The following INPP4B variants were observed in gnomAD, a reference collection of about 807,000 sequenced individuals.
INPP4B encodes inositol polyphosphate 4-phosphatase type II.
INPP4B carries 55 observed loss-of-function variants against 122.5 expected under a neutral mutation model. That is an observed-to-expected ratio of 0.45 (90% CI 0.36 to 0.56). INPP4B has a LOEUF of 0.56. Among genes scored for constraint, INPP4B ranks in the 20% least tolerant of loss-of-function variants. The pLI, the probability that INPP4B is intolerant of heterozygous loss-of-function variation, is 0.00. For missense variants in INPP4B, 1,000 were observed against 1,097.7 expected (o/e 0.91, Z 1.26); for synonymous variants, 403 against 388.7 (o/e 1.04, Z -0.43).
chr4:142,734,612 G>C (rs1419003765), intron 1 of INPP4B, among the ~76,000 whole-genome samples: 2 of 152,032 alleles, frequency 1.3e-5, no homozygotes, highest in Non-Finnish European at 2.9e-5. Context: ...TCTGTCTATG[G>C]CCCTTAAAAA....
At chr4:142,696,651 C>A (rs1295997006) in intron 2 of INPP4B, among the ~76,000 whole-genome samples, 1 of 152,120 alleles carries the variant, frequency 6.6e-6, no homozygotes, top group East Asian at 1.9e-4. Context: ...CTCTGCCTTG[C>A]CATCAGCTAC....
chr4:142,248,439 G>A (rs1216801144), intron 11 of INPP4B, among the ~76,000 whole-genome samples: 1 of 148,076 alleles, frequency 6.8e-6, no homozygotes, highest in Non-Finnish European at 1.5e-5. Context: ...CCGGGTTCAA[G>A]TGATTCTCCT....
intron 23 of INPP4B, among the ~76,000 whole-genome samples, chr4:142,092,099 T>C (rs1779820014): frequency 6.6e-6 from 1 of 152,166 alleles, no homozygotes; most frequent in Non-Finnish European, 1.5e-5. Context: ...GTTTTAAGGA[T>C]ATGCAAGTGG....
intron 15 of INPP4B, among the ~76,000 whole-genome samples, chr4:142,184,320 G>A (rs919458262): frequency 2.6e-5 from 4 of 152,072 alleles, no homozygotes; most frequent in South Asian, 2.1e-4. Flanking sequence ...TTCGGAAGAC[G>A]TAAAAGTATA....
At chr4:142,468,318 G>A (rs973744284) in intron 2 of INPP4B, among the ~76,000 whole-genome samples, 13 of 152,140 alleles carry the variant, frequency 8.5e-5, no homozygotes, top group African/African-American at 3.1e-4. Flanking sequence ...CCAGGTTAAG[G>A]GCCCACATCA....
chr4:142,293,219 T>C (rs1292092071), intron 9 of INPP4B, among the ~76,000 whole-genome samples: 3 of 152,062 alleles, frequency 2.0e-5, no homozygotes, highest in Non-Finnish European at 4.4e-5. Flanking sequence ...TTTGTATTTT[T>C]AGTAGAGACG....
At chr4:142,804,801 G>T (rs890715424) in intron 1 of INPP4B, among the ~76,000 whole-genome samples, 1 of 152,086 alleles carries the variant, frequency 6.6e-6, no homozygotes, top group African/African-American at 2.4e-5. Context: ...CAAGCAGCTG[G>T]GACTACAGGT....
At chr4:142,082,670 T>C (rs1561055473) in intron 24 of INPP4B, among the ~76,000 whole-genome samples, 2 of 152,236 alleles carry the variant, frequency 1.3e-5, no homozygotes, top group Non-Finnish European at 2.9e-5. Context: ...CTTGGCTTTA[T>C]GTTATGAGAT....
chr4:142,630,233 A>C (rs1747637338), intron 2 of INPP4B, among the ~76,000 whole-genome samples: 1 of 152,244 alleles, frequency 6.6e-6, no homozygotes, highest in Middle Eastern at 3.4e-3. Context: ...TAATCTAGTT[A>C]TTCCTGTTAT....
chr4:142,302,754 A>G (rs182428868), intron 9 of INPP4B, among the ~76,000 whole-genome samples: 42 of 152,266 alleles, frequency 2.8e-4, no homozygotes, highest in Middle Eastern at 3.4e-3. Flanking sequence ...AGTCAGGACT[A>G]CACGGCAATG....
intron 24 of INPP4B, 63 bp downstream of exon 24, chr4:142,086,081 G>A (rs2152544927): frequency 1.8e-6 from 2 of 1,102,422 alleles, no homozygotes; most frequent in South Asian, 2.5e-5. Context: ...GCACAGTAGA[G>A]AACTGATAAT....
intron 9 of INPP4B, among the ~76,000 whole-genome samples, chr4:142,276,852 G>T (rs963174467): frequency 9.9e-5 from 15 of 151,810 alleles, no homozygotes; most frequent in African/African-American, 2.7e-4. Context: ...CCTTCCTCAT[G>T]ACACTATTAA....
chr4:142,117,794 G>A (rs1286942387), intron 21 of INPP4B, among the ~76,000 whole-genome samples: 2 of 152,134 alleles, frequency 1.3e-5, no homozygotes, highest in African/African-American at 2.4e-5. Context: ...TCTGGCTAGG[G>A]CAATCAGGCA....
At chr4:142,804,535 A>G (rs1580956641) in intron 1 of INPP4B, among the ~76,000 whole-genome samples, 1 of 152,210 alleles carries the variant, frequency 6.6e-6, no homozygotes, top group South Asian at 2.1e-4. Flanking sequence ...TAAAGTTACA[A>G]CCGTCCTACC....
chr4:142,543,617 CGTTCAGTAATGTTTGCT>C (rs1299761985), intron 2 of INPP4B, among the ~76,000 whole-genome samples: 5 of 151,988 alleles, frequency 3.3e-5, no homozygotes, highest in Non-Finnish European at 7.4e-5. Context: ...CTTCTAATGA[CGTTCAGTAATGTTTGCT>C]GTTCTTCATT....
chr4:142,221,373 G>C (rs1191386478), intron 12 of INPP4B, among the ~76,000 whole-genome samples: 2 of 109,870 alleles, frequency 1.8e-5, no homozygotes, highest in East Asian at 2.8e-4. Flanking sequence ...CTGGGTGACA[G>C]AGCAAGACTC....
intron 15 of INPP4B, among the ~76,000 whole-genome samples, chr4:142,175,101 A>G (rs1827496514): frequency 6.6e-6 from 1 of 152,160 alleles, no homozygotes; most frequent in African/African-American, 2.4e-5. Context: ...TGCATGCACA[A>G]GATTCATGTA....
chr4:142,648,310 G>A (rs893020966), intron 2 of INPP4B, among the ~76,000 whole-genome samples: 1 of 152,220 alleles, frequency 6.6e-6, no homozygotes, highest in Non-Finnish European at 1.5e-5. Context: ...TATCTCACAG[G>A]GACTGGTTGG....
intron 7 of INPP4B, among the ~76,000 whole-genome samples, chr4:142,385,777 TTA>T (rs1214730736): frequency 3.9e-5 from 6 of 152,162 alleles, no homozygotes; most frequent in African/African-American, 1.2e-4. Context: ...TGAAAATAAA[TTA>T]TGTTATTTTA....
Sources: allele counts gnomAD v4.1 joint callset (sites outside exome capture counted in the v4.1 genomes callset), GRCh38; gene constraint gnomAD v4.1.1; transcripts MANE v1.5; gene names NCBI Gene and HGNC (gene_info 2026-07-23, HGNC 2026-07-21).